NPEPL1: variants seen among roughly 807,000 people sequenced by gnomAD.
The protein encoded by NPEPL1 is probable aminopeptidase NPEPL1.
In NPEPL1, 45 loss-of-function variants were observed where a neutral mutation model predicts 52.4. The ratio of observed to expected loss-of-function variants is 0.86; its 90% CI spans 0.68 to 1.10. The LOEUF (loss-of-function observed/expected upper bound fraction) is 1.10. Among genes scored for constraint, NPEPL1 ranks in the 50% least tolerant of loss-of-function variants. NPEPL1 has a pLI of 0.00. For missense variants in NPEPL1, 696 were observed against 710.9 expected (o/e 0.98, Z 0.24); for synonymous variants, 360 against 314.7 (o/e 1.14, Z -1.52).
chr20:58,695,683 G>A (rs888174682), intron 3 of NPEPL1, among the ~76,000 whole-genome samples: 9 of 152,188 alleles, frequency 5.9e-5, no homozygotes, highest in Non-Finnish European at 1.2e-4. Flanking sequence ...GCTCTCTGAG[G>A]CCTGTAACCA....
At chr20:58,712,646 GC>G in intron 8 of NPEPL1, 67 bp downstream of exon 8, 1 of 1,120,262 alleles carries the variant, frequency 8.9e-7, no homozygotes, top group Non-Finnish European at 1.4e-6. Context: ...GGCCTGCAAT[GC>G]CAGCTCACTC....
chr20:58,693,898 G>T lies in NPEPL1; in HGVS notation c.312G>T (p.Pro104=). 1 of 1,609,482 alleles carries T rather than the reference G, an allele frequency of 6.2e-7. No homozygotes were observed. Among genetic ancestry groups the T allele is most frequent in the Non-Finnish European group, 8.5e-7 (1 of 1,177,794 alleles). ...CGCGGCTGGTGCGGACCTGCCTGCCGCCCGGAGCGCATCGCTGCATTGTGG... is the reference window on the plus strand; with the variant it reads ...CGCGGCTGGTGCGGACCTGCCTGCCTCCCGGAGCGCATCGCTGCATTGTGG... ...FITRLVRTCL[P]PGAHRCIVMV... is the part of the protein sequence containing the mutation. Residue 104 remains proline (P), a synonymous_variant, in exon 2 of 12, where the codon CCG becomes CCT. Coordinates refer to ENST00000356091, the MANE Select transcript of NPEPL1 (RefSeq NM_024663.4).
At chr20:58,690,953 C>T (rs753174431), upstream of NPEPL1, 2 of 570,102 alleles carry the variant, frequency 3.5e-6, no homozygotes, top group African/African-American at 3.7e-5. Flanking sequence ...TCACCCACTC[C>T]TATTTTCCAG....
intron 3 of NPEPL1, among the ~76,000 whole-genome samples, chr20:58,696,878 G>A (rs117508761): frequency 0.031 from 4,719 of 152,330 alleles, 85 homozygotes; most frequent in Middle Eastern, 0.065. Context: ...CCGGGGCCAC[G>A]GCAGCAAGGG....
intron 5 of NPEPL1, among the ~76,000 whole-genome samples, chr20:58,700,570 G>A (rs1417223047): frequency 6.6e-6 from 1 of 152,220 alleles, no homozygotes; most frequent in East Asian, 1.9e-4. Context: ...TTGAGAAGAT[G>A]TGTCATGTAA....
Position 58,713,693 on chromosome 20 carries a change from G to A in NPEPL1, c.1125+150G>A. 1 of 1,223,564 alleles carries A rather than the reference G, an allele frequency of 8.2e-7. No individual in the cohort carries two copies. The highest frequency in any genetic ancestry group is 1.1e-6 in the Non-Finnish European group (1 of 909,036). 75.8% of individuals were successfully genotyped at this position (1,223,564 alleles called of 1,614,324 possible). ...GGAGGCAGGAGGAGCTGCCCGTCAAGCTTGGTGTGGGCAGTACCGAGGCCC... is the reference window on the plus strand; with the variant it reads ...GGAGGCAGGAGGAGCTGCCCGTCAAACTTGGTGTGGGCAGTACCGAGGCCC... On this transcript the variant is annotated intron_variant, in intron 9 of 11. Coordinates refer to ENST00000356091, the MANE Select transcript of NPEPL1 (RefSeq NM_024663.4). The surrounding 1 kb of genome is among the most constrained non-coding windows in gnomAD (Gnocchi z 4.6).
intron 8 of NPEPL1, 141 bp downstream of exon 8, chr20:58,712,720 G>GGAAGCA: frequency 2.8e-6 from 2 of 714,900 alleles, no homozygotes; most frequent in Non-Finnish European, 5.0e-6. Flanking sequence ...TTGCTTCCCG[G>GGAAGCA]AGGGCTGGGG....
At chr20:58,707,008 C>A in intron 6 of NPEPL1, 115 bp from the exon 7 acceptor site, 1 of 1,087,424 alleles carries the variant, frequency 9.2e-7, no homozygotes. Context: ...CTGCCCAGGC[C>A]TGAGAGCTGG....
Position 58,698,774 on chromosome 20 carries a change from G to A in NPEPL1, c.597+1G>A. On this transcript the variant is annotated splice_donor_variant, in intron 4 of 11. Transcript: ENST00000356091. LOFTEE classifies it high-confidence loss of function. ...GATGAACACCGACACCTTCCTCGAG[G>A]TTTGTGGCGTCATCAGGCCGGGGGT... 1.2e-6 allele frequency: 2 copies of A among 1,612,114 alleles called. No individual in the cohort carries two copies. The highest frequency in any genetic ancestry group is 8.5e-7 in the Non-Finnish European group (1 of 1,179,660).
chr20:58,694,704 C>A, intron 3 of NPEPL1, 112 bp downstream of exon 3: 1 of 1,165,368 alleles, frequency 8.6e-7, no homozygotes, highest in Non-Finnish European at 1.2e-6. Context: ...GGGTTCCTGC[C>A]CTTCCCAGGA....
At chr20:58,691,053 G>A (rs1182936047), upstream of NPEPL1, 1 of 701,382 alleles carries the variant, frequency 1.4e-6, no homozygotes, top group Admixed American at 2.0e-5. Flanking sequence ...CACGTGGAAG[G>A]CCTTCTTTCT....
intron 2 of NPEPL1, 31 bp from the exon 3 acceptor site, chr20:58,694,391 A>G (rs748067795): frequency 3.2e-6 from 5 of 1,570,680 alleles, no homozygotes; most frequent in Non-Finnish European, 4.3e-6. Context: ...CGGCCCTTGC[A>G]CCCCTCACGC....
In NPEPL1 at chr20:58,699,207, A is replaced by G. The variant is rs546051344; in HGVS notation, c.608A>G (p.Lys203Arg). 1 of 1,598,462 alleles carries G rather than the reference A, an allele frequency of 6.3e-7. No individual in the cohort carries two copies. Among genetic ancestry groups the G allele is most frequent in the East Asian group, 2.3e-5 (1 of 44,292 alleles). ...NTDTFLEEIN[K>R]VGKELGIIPT... ...CATGAACATGTCCAGGAGATTAACA[A>G]AGTTGGAAAGGAGCTGGGGATCATC... is the stretch of plus-strand genomic sequence containing the variant. Residue 203 changes from lysine (K) to arginine (R), a missense_variant, in exon 5 of 12, where the codon AAA (lysine) becomes AGA (arginine). By Grantham distance (26) the Lys-to-Arg change is conservative. Coordinates refer to ENST00000356091, the MANE Select transcript of NPEPL1 (RefSeq NM_024663.4).
intron 5 of NPEPL1, among the ~76,000 whole-genome samples, chr20:58,700,716 C>T (rs1163514168): frequency 6.6e-6 from 1 of 152,260 alleles, no homozygotes; most frequent in Non-Finnish European, 1.5e-5. Context: ...AACATCGTTT[C>T]ATTCTGCAAT....
At position 58,701,128 on chromosome 20, in the gene NPEPL1, T is replaced by TGACA; in HGVS notation, c.793_796dup (p.Thr266ArgfsTer50). The TGACA allele has an allele frequency of 6.3e-7, 1 of 1,583,568 alleles. No individual in the cohort carries two copies. The highest frequency in any genetic ancestry group is 1.7e-4 in the Middle Eastern group (1 of 6,016). On this transcript the variant is annotated frameshift_variant, in exon 6 of 12. Transcript: ENST00000356091. LOFTEE classifies it high-confidence loss of function. ...CCTGGGTGGGCAAAGGCATCGTCTA[T>TGACA]GACACTGGAGGCCTCAGCATCAAAG... is the stretch of plus-strand genomic sequence containing the variant.
intron 11 of NPEPL1, 26 bp downstream of exon 11, chr20:58,714,696 C>T (rs1193141943): frequency 6.5e-7 from 1 of 1,528,546 alleles, no homozygotes; most frequent in Admixed American, 1.9e-5. Context: ...CCCCACTGGC[C>T]CTGGCTGCTC....
Position 58,713,343 on chromosome 20 carries a change from C to T in NPEPL1, c.1002-77C>T, listed in dbSNP as rs958691835. On this transcript the variant is annotated intron_variant, in intron 8 of 11. Transcript: ENST00000356091. This position sits in a 1 kb window ranked among gnomAD's most constrained non-coding sequence, Gnocchi z 4.6. ...AGGGATGGGCAGCTCCAAATGGGGT[C>T]TCCCCAGTTTCAAAGGGGCTCATGC... The T allele has an allele frequency of 1.2e-4, 174 of 1,480,130 alleles. No individual in the cohort carries two copies. Among genetic ancestry groups the T allele is most frequent in the Non-Finnish European group, 1.5e-4 (170 of 1,105,914 alleles). The allele number at this position is 1,480,130 out of a possible 1,614,324, so 91.7% of individuals were successfully genotyped here.
Position 58,693,847 on chromosome 20 carries a change from C to G in NPEPL1, c.261C>G (p.Asn87Lys). The change falls in exon 2 of 12, where the codon AAC becomes AAG. Residue 87 changes from asparagine to lysine, a missense_variant. By Grantham distance (94) the Asn-to-Lys change is moderately conservative. Transcript: ENST00000356091. Reference sequence around the variant, plus strand: ...TGCCCTGCAGGGTGAGCCGGCACAACAGCCCCTCGGCCGCCCACTTCATCA... The same window carrying G: ...TGCCCTGCAGGGTGAGCCGGCACAAGAGCCCCTCGGCCGCCCACTTCATCA... ...AALPCRVSRH[N>K]SPSAAHFITR... 6.2e-7 allele frequency: 1 copy of G among 1,613,640 alleles called. No homozygotes were observed. The highest frequency in any genetic ancestry group is 8.5e-7 in the Non-Finnish European group (1 of 1,179,784).
chr20:58,698,530 C>CGA lies in NPEPL1; in HGVS notation c.508-150_508-149dup, dbSNP rs1317617301. On this transcript the variant is annotated intron_variant, in intron 3 of 11. Coordinates refer to ENST00000356091, the MANE Select transcript of NPEPL1 (RefSeq NM_024663.4). ...GGGTTGCTGGGGGTGGGGCAGGCAGCGAGAGCCATGGTCCCCCTCTCCCCT... is the reference window on the plus strand; with the variant it reads ...GGGTTGCTGGGGGTGGGGCAGGCAGCGAGAGAGCCATGGTCCCCCTCTCCCCT... Among the ~76,000 whole-genome samples the CGA allele has an allele frequency of 1.8e-4, 28 of 152,084 alleles. No individual in the cohort carries two copies. The East Asian group carries it at 5.0e-3, about 27-fold the overall frequency.
Sources: gnomAD v4.1 joint callset for allele counts (sites outside exome capture counted in the v4.1 genomes callset) on GRCh38, gnomAD v4.1.1 for gene constraint, Gnocchi (gnomAD v3.1) non-coding constraint, MANE v1.5 for transcripts, NCBI Gene and HGNC (gene_info 2026-07-23, HGNC 2026-07-21) for gene names.